PSME3IP1: variants seen among roughly 807,000 people sequenced by gnomAD.
PSME3IP1 encodes PSME3-interacting protein.
Under a neutral mutation model 34.1 loss-of-function variants are expected in PSME3IP1, and 13 were observed. The observed-to-expected ratio is 0.38, with a 90% CI of 0.25 to 0.61. The LOEUF (loss-of-function observed/expected upper bound fraction) is 0.61. Ranked by LOEUF, PSME3IP1 falls within the 20% of genes least tolerant of loss-of-function variation. The probability of loss-of-function intolerance (pLI) is 0.60; values close to 1 mark genes in which losing one functional copy is unlikely to be tolerated. For synonymous variants in PSME3IP1, 93 were observed against 114.3 expected, an observed-to-expected ratio of 0.81 and a Z score of 1.19; for missense variants, 237 against 301.4, an observed-to-expected ratio of 0.79 and a Z score of 1.58.
At chr16:57,164,323 G>C (rs1282484998) in intron 5 of PSME3IP1, among the ~76,000 whole-genome samples, 1 of 152,076 alleles carries the variant, frequency 6.6e-6, no homozygotes, top group Non-Finnish European at 1.5e-5. Context: ...TCAGATTCTT[G>C]GCCGTCTTTA....
intron 1 of PSME3IP1, among the ~76,000 whole-genome samples, chr16:57,182,567 A>C (rs1461434019): frequency 1.3e-5 from 2 of 150,636 alleles, no homozygotes; most frequent in South Asian, 2.1e-4. Context: ...AAAAAAAAAA[A>C]AAAAAAAAAC....
intron 6 of PSME3IP1, among the ~76,000 whole-genome samples, chr16:57,159,563 G>GA (rs1404034394): frequency 1.3e-5 from 2 of 152,176 alleles, no homozygotes; most frequent in Admixed American, 6.5e-5. Context: ...GCCCAAGACG[G>GA]AAATCCTCCC....
At position 57,163,989 on chromosome 16, in the gene PSME3IP1, G is replaced by A; in HGVS notation, c.547+12C>T. 2 of 1,613,614 alleles carry A rather than the reference G, an allele frequency of 1.2e-6. No individual in the cohort carries two copies. The highest frequency in any genetic ancestry group is 1.7e-6 in the Non-Finnish European group (2 of 1,179,556). On this transcript the variant is annotated intron_variant, in intron 6 of 6. Transcript: ENST00000309137. Reference sequence around the variant, plus strand: ...TTCTGAGTACAAGGAAGTAATGAAGGCTGCCACCCACCTTGATTCTTGTCA... The same window carrying A: ...TTCTGAGTACAAGGAAGTAATGAAGACTGCCACCCACCTTGATTCTTGTCA...
intron 1 of PSME3IP1, among the ~76,000 whole-genome samples, chr16:57,184,739 T>C (rs2074015311): frequency 6.6e-6 from 1 of 152,244 alleles, no homozygotes; most frequent in African/African-American, 2.4e-5. Flanking sequence ...AGACTGATAA[T>C]CAACTAAATG....
chr16:57,181,371 G>A (rs2073696405), intron 1 of PSME3IP1, among the ~76,000 whole-genome samples: 3 of 151,874 alleles, frequency 2.0e-5, no homozygotes, highest in Admixed American at 1.3e-4. Flanking sequence ...ACTTGCCTGA[G>A]GATATAGAGA....
chr16:57,177,430 A>G (rs1399275525), intron 1 of PSME3IP1, among the ~76,000 whole-genome samples: 1 of 151,184 alleles, frequency 6.6e-6, no homozygotes, highest in African/African-American at 2.4e-5. Flanking sequence ...CAAGCAATAC[A>G]ATCTGCCCAC....
intron 6 of PSME3IP1, among the ~76,000 whole-genome samples, chr16:57,155,239 G>A (rs952108511): frequency 2.6e-5 from 4 of 152,290 alleles, no homozygotes; most frequent in Middle Eastern, 3.4e-3. Flanking sequence ...TTAAGGCCAT[G>A]CAGAATGTCA....
At chr16:57,166,306 T>G (rs2071861966) in intron 5 of PSME3IP1, among the ~76,000 whole-genome samples, 1 of 152,196 alleles carries the variant, frequency 6.6e-6, no homozygotes, top group Non-Finnish European at 1.5e-5. Flanking sequence ...CTGATGACAT[T>G]TCAGGATTTG....
At position 57,167,140 on chromosome 16, in the gene PSME3IP1, G is replaced by C. The variant is rs1353921028; in HGVS notation, c.435C>G (p.Asn145Lys). ...CCAACAGCTTCGCCTGGGAGAACTT[G>C]TTCTTGGTTTCTATAGGCTTCACAG... ...KLTVKPIETK[N>K]KFSQAKLLAG... is the part of the protein sequence containing the mutation. The change falls in exon 5 of 7, where the codon AAC becomes AAG. Residue 145 changes from asparagine (N) to lysine (K), a missense_variant. Physicochemically the swap from Asn to Lys is moderately conservative, Grantham distance 94 (BLOSUM62 0). Transcript: ENST00000309137. The C allele has an allele frequency of 2.5e-6, 4 of 1,614,048 alleles. No individual in the cohort carries two copies. The African/African-American group carries it at 4.0e-5, about 16-fold the overall frequency.
intron 6 of PSME3IP1, among the ~76,000 whole-genome samples, chr16:57,163,731 C>G (rs1160351831): frequency 6.6e-6 from 1 of 152,188 alleles, no homozygotes; most frequent in Admixed American, 6.5e-5. Flanking sequence ...TGACCAGGGC[C>G]TGGTAAGCAC....
chr16:57,152,881 T>C lies in PSME3IP1; in HGVS notation c.*1409A>G, dbSNP rs1409019196. 6.6e-6 allele frequency: 1 copy of C among 152,580 alleles called. No homozygotes were observed. The highest frequency in any genetic ancestry group is 6.5e-5 in the Admixed American group (1 of 15,278). The allele number at this position is 152,580 out of a possible 1,614,324, so 9.5% of individuals were successfully genotyped here. ...CTGCCAATGGGCACCAGAGTGTCAC[T>C]GTACTGGAAGGGGAAAAGGAGTGGG... On this transcript the variant is annotated 3_prime_UTR_variant, in exon 7 of 7. Coordinates refer to ENST00000309137, the MANE Select transcript of PSME3IP1 (RefSeq NM_024946.4).
At chr16:57,160,670 GC>G (rs2071124911) in intron 6 of PSME3IP1, among the ~76,000 whole-genome samples, 1 of 152,192 alleles carries the variant, frequency 6.6e-6, no homozygotes, top group African/African-American at 2.4e-5. Flanking sequence ...ATATACCCAT[GC>G]AATATACAAT....
chr16:57,181,168 T>C (rs1254473989), intron 1 of PSME3IP1, among the ~76,000 whole-genome samples: 5 of 152,250 alleles, frequency 3.3e-5, no homozygotes, highest in African/African-American at 1.2e-4. Flanking sequence ...GAAAGATAAC[T>C]AATTTAAATA....
At chr16:57,173,157 T>A (rs1384634353) in intron 2 of PSME3IP1, among the ~76,000 whole-genome samples, 1 of 152,186 alleles carries the variant, frequency 6.6e-6, no homozygotes, top group Non-Finnish European at 1.5e-5. Flanking sequence ...AGCAGCAGTG[T>A]TCTCAGTTGT....
chr16:57,173,843 C>T lies in PSME3IP1; in HGVS notation c.12G>A (p.Gly4=), dbSNP rs775716000. The T allele has an allele frequency of 1.2e-6, 2 of 1,613,440 alleles. No individual in the cohort carries two copies. Among genetic ancestry groups the T allele is most frequent in the Non-Finnish European group, 1.7e-6 (2 of 1,179,854 alleles). MDG[G]DDGNLIIKKR... Reference sequence around the variant, plus strand: ...TTTTGATAATAAGGTTACCATCATCCCCTCCATCCATAATGAAACAACCAA... The same window carrying T: ...TTTTGATAATAAGGTTACCATCATCTCCTCCATCCATAATGAAACAACCAA... The change falls in exon 2 of 7, where the codon GGG becomes GGA. Residue 4 remains glycine, a synonymous_variant. Transcript: ENST00000309137.
chr16:57,159,128 T>G (rs1437714736), intron 6 of PSME3IP1, among the ~76,000 whole-genome samples: 1 of 152,206 alleles, frequency 6.6e-6, no homozygotes, highest in Non-Finnish European at 1.5e-5. Flanking sequence ...GGTAGAGAAC[T>G]GGCCTAACGG....
At position 57,178,479 on chromosome 16, in the gene PSME3IP1, A is replaced by AAG. The variant is rs1262136074; in HGVS notation, c.-15-4611_-15-4610insCT. The stretch of plus-strand genomic sequence containing the variant: ...TTATTATTAGCACAGTGTCTGGCAT[A>AAG]TATTAGGTATTCAAATACTTACTGA... On this transcript the variant is annotated intron_variant, in intron 1 of 6. Coordinates refer to ENST00000309137, the MANE Select transcript of PSME3IP1 (RefSeq NM_024946.4). 9.6e-6 allele frequency: 8 copies of AAG among 834,274 alleles called. No homozygotes were observed. In the East Asian group the frequency reaches 7.4e-4, roughly 77 times the overall value. The allele number at this position is 834,274 out of a possible 1,614,324, so 51.7% of individuals were successfully genotyped here.
At chr16:57,180,634 C>T (rs1876692493) in intron 1 of PSME3IP1, among the ~76,000 whole-genome samples, 1 of 150,464 alleles carries the variant, frequency 6.6e-6, no homozygotes, top group Admixed American at 6.6e-5. Context: ...AGGCCTGGTG[C>T]ACTAGCTCAC....
intron 1 of PSME3IP1, chr16:57,178,794 C>T (rs149977914): frequency 1.2e-5 from 12 of 985,456 alleles, no homozygotes; most frequent in Admixed American, 6.1e-5. Context: ...ACTTATCCTG[C>T]GAAAGCAGTA....
Sources: allele counts gnomAD v4.1 joint callset (sites outside exome capture counted in the v4.1 genomes callset), GRCh38; gene constraint gnomAD v4.1.1; transcripts MANE v1.5; gene names NCBI Gene and HGNC (gene_info 2026-07-23, HGNC 2026-07-21).